The following AFF2 variants were observed in gnomAD, a reference collection of about 807,000 sequenced individuals.
AFF2 encodes the protein AF4/FMR2 family member 2.
Under a neutral mutation model 76.9 loss-of-function variants are expected in AFF2, and 14 were observed. The ratio of observed to expected loss-of-function variants is 0.18; its 90% CI spans 0.12 to 0.28. The LOEUF (loss-of-function observed/expected upper bound fraction) is 0.28. AFF2 is among the 10% of genes least tolerant of loss of function. The pLI is 1.00. For synonymous variants in AFF2, 398 were observed against 366.7 expected, an observed-to-expected ratio of 1.09 and a Z score of -0.98; for missense variants, 868 against 1,001.1, an observed-to-expected ratio of 0.87 and a Z score of 1.79.
intron 1 of AFF2, among the ~76,000 whole-genome samples, chrX:148,561,396 T>G (rs957225090): frequency 4.5e-5 from 5 of 112,056 alleles, no homozygotes; most frequent in African/African-American, 1.6e-4. Flanking sequence ...GTCATCTTCA[T>G]GAACCTATCC....
chrX:148,969,981 G>A (rs981909570), intron 15 of AFF2, among the ~76,000 whole-genome samples: 10 of 111,606 alleles, frequency 9.0e-5, no homozygotes, highest in East Asian at 5.6e-4. Flanking sequence ...TCCTAGGGAC[G>A]AAGGGGTTTA....
intron 3 of AFF2, among the ~76,000 whole-genome samples, chrX:148,791,366 T>C (rs782642211): frequency 4.5e-5 from 5 of 111,362 alleles, no homozygotes; most frequent in Non-Finnish European, 9.4e-5. Context: ...CCATCAGATC[T>C]CATGAGACTT....
In AFF2 at chrX:148,805,343, C is replaced by T. The variant is rs782379420; in HGVS notation, c.1042-4533C>T. Among the ~76,000 whole-genome samples the T allele has an allele frequency of 1.1e-4, 12 of 111,447 alleles. No homozygotes were observed. In the East Asian group the frequency reaches 3.1e-3, roughly 29 times the overall value. Reference sequence around the variant, plus strand: ...ATGATTGCCAGCTTTGTGGGACCGCCCTCAGGATGATTTTATGGGAAAAAA... The same window carrying T: ...ATGATTGCCAGCTTTGTGGGACCGCTCTCAGGATGATTTTATGGGAAAAAA... On this transcript the variant is annotated intron_variant, in intron 3 of 20. Coordinates refer to ENST00000370460, the MANE Select transcript of AFF2 (RefSeq NM_002025.4).
At chrX:148,544,078 C>T (rs782105997) in intron 1 of AFF2, among the ~76,000 whole-genome samples, 1 of 111,968 alleles carries the variant, frequency 8.9e-6, no homozygotes, top group East Asian at 2.8e-4. Flanking sequence ...TGGTCACTTT[C>T]GAACTTGGAG....
At chrX:148,529,656 G>A (rs1416413032) in intron 1 of AFF2, among the ~76,000 whole-genome samples, 1 of 111,669 alleles carries the variant, frequency 9.0e-6, no homozygotes, top group Non-Finnish European at 1.9e-5. Flanking sequence ...TGAGGTTCAA[G>A]GAGTAAATAA....
intron 1 of AFF2, among the ~76,000 whole-genome samples, chrX:148,554,849 CTGGATGGGAGAA>C (rs2053034525): frequency 8.9e-6 from 1 of 112,297 alleles, no homozygotes; most frequent in South Asian, 3.7e-4. Flanking sequence ...TGTTGAATGG[CTGGATGGGAGAA>C]TGGATGGATG....
In AFF2 at chrX:148,785,727, T is replaced by C. The variant is rs782643255; in HGVS notation, c.1042-24149T>C. On this transcript the variant is annotated intron_variant, in intron 3 of 20. Coordinates refer to ENST00000370460, the MANE Select transcript of AFF2 (RefSeq NM_002025.4). Reference sequence around the variant, plus strand: ...TCTCATAAGAATACCCTCCCTGCTATAAGGAAGGCAGGTCAGCTGTAAAAA... The same window carrying C: ...TCTCATAAGAATACCCTCCCTGCTACAAGGAAGGCAGGTCAGCTGTAAAAA... Among the ~76,000 whole-genome samples, 274 of 112,215 alleles carry C rather than the reference T, an allele frequency of 2.4e-3. 3 individuals carry two copies. The highest frequency in any genetic ancestry group is 8.4e-3 in the African/African-American group (260 of 30,841).
At chrX:148,581,086 T>C (rs868957949) in intron 1 of AFF2, among the ~76,000 whole-genome samples, 14 of 93,108 alleles carry the variant, frequency 1.5e-4, no homozygotes, top group African/African-American at 2.6e-4. Flanking sequence ...CATATATACA[T>C]ATGTGTATAT....
intron 8 of AFF2, among the ~76,000 whole-genome samples, chrX:148,892,486 C>T (rs782346007): frequency 1.8e-5 from 2 of 110,683 alleles, no homozygotes; most frequent in Admixed American, 9.6e-5. Context: ...TCTTGTTGAG[C>T]GAGCTTACTG....
chrX:148,823,288 C>T (rs1317086522), intron 4 of AFF2, among the ~76,000 whole-genome samples: 1 of 111,761 alleles, frequency 8.9e-6, no homozygotes, highest in African/African-American at 3.3e-5. Flanking sequence ...TCTGACCCTG[C>T]CACTACCTTA....
At chrX:148,504,689 C>A (rs1029061002) in intron 1 of AFF2, among the ~76,000 whole-genome samples, 1 of 113,117 alleles carries the variant, frequency 8.8e-6, no homozygotes, top group African/African-American at 3.2e-5. Context: ...CCCAGCAGTC[C>A]GAACTGCACT....
chrX:148,689,354 G>A (rs781944718), intron 3 of AFF2, among the ~76,000 whole-genome samples: 22 of 111,343 alleles, frequency 2.0e-4, no homozygotes, highest in African/African-American at 6.9e-4. Flanking sequence ...GGAAGGAGGC[G>A]ACAAAACTCA....
At chrX:148,623,280 G>A (rs1328413118) in intron 1 of AFF2, among the ~76,000 whole-genome samples, 1 of 111,088 alleles carries the variant, frequency 9.0e-6, no homozygotes, top group Non-Finnish European at 1.9e-5. Context: ...AGAAGACCAT[G>A]AGTGTTATTT....
chrX:148,878,040 T>C (rs1327323441), intron 7 of AFF2, among the ~76,000 whole-genome samples: 2 of 111,598 alleles, frequency 1.8e-5, no homozygotes, highest in Admixed American at 1.9e-4. Flanking sequence ...GAAGGGAGAC[T>C]GAGAGGGGCA....
rs147855428 is a variant in AFF2 at position 148,946,962 on chromosome X, A to G, written c.1398-6618A>G. On this transcript the variant is annotated intron_variant, in intron 9 of 20. Coordinates refer to ENST00000370460, the MANE Select transcript of AFF2 (RefSeq NM_002025.4). ...ATAAAGTAACATATTCAGAAGTTCTATGGATCAGGTTATGGACATCTTTGG... is the reference window on the plus strand; with the variant it reads ...ATAAAGTAACATATTCAGAAGTTCTGTGGATCAGGTTATGGACATCTTTGG... 1.3e-3 allele frequency among the ~76,000 whole-genome samples: 144 copies of G among 112,398 alleles called. 1 individual carries two copies. The highest frequency in any genetic ancestry group is 4.4e-3 in the African/African-American group (137 of 30,956).
At chrX:148,789,742 C>A (rs994729478) in intron 3 of AFF2, among the ~76,000 whole-genome samples, 23 of 112,001 alleles carry the variant, frequency 2.1e-4, no homozygotes, top group African/African-American at 7.4e-4. Flanking sequence ...TGAAAGGAAT[C>A]ATCAATTGTA....
At chrX:148,787,911 G>C (rs1168275217) in intron 3 of AFF2, among the ~76,000 whole-genome samples, 4 of 112,406 alleles carry the variant, frequency 3.6e-5, no homozygotes, top group African/African-American at 1.3e-4. Flanking sequence ...GAGTTATATT[G>C]ATCTGAGCAC....
intron 1 of AFF2, among the ~76,000 whole-genome samples, chrX:148,554,747 T>C (rs1158236314): frequency 8.9e-6 from 1 of 112,600 alleles, no homozygotes; most frequent in South Asian, 3.7e-4. Context: ...CAAACTGCTT[T>C]TGCAGTGTAG....
At chrX:148,555,791 A>G (rs1557239583) in intron 1 of AFF2, among the ~76,000 whole-genome samples, 1 of 112,513 alleles carries the variant, frequency 8.9e-6, no homozygotes, top group Non-Finnish European at 1.9e-5. Context: ...TCAGCCTTGG[A>G]ATATTCATTC....
Sources: allele counts gnomAD v4.1 joint callset (sites outside exome capture counted in the v4.1 genomes callset), GRCh38; gene constraint gnomAD v4.1.1; transcripts MANE v1.5; gene names NCBI Gene and HGNC (gene_info 2026-07-23, HGNC 2026-07-21).